The following BRINP1 variants were observed in gnomAD, a reference collection of about 807,000 sequenced individuals.
BRINP1 encodes the protein BMP/retinoic acid inducible neural specific 1, also known as BMP/retinoic acid-inducible neural-specific protein 1.
Under a neutral mutation model 72.9 loss-of-function variants are expected in BRINP1, and 17 were observed. The observed-to-expected ratio is 0.23, with a 90% confidence interval of 0.16 to 0.35. The LOEUF is 0.35. Ranked by LOEUF, BRINP1 falls within the 10% of genes least tolerant of loss-of-function variation. BRINP1 has a pLI of 1.00. For synonymous variants in BRINP1, 418 were observed against 378.5 expected (o/e 1.10, Z -1.21); for missense variants, 850 against 1,001.6 (o/e 0.85, Z 2.04).
intron 3 of BRINP1, among the ~76,000 whole-genome samples, chr9:119,242,646 C>T (rs565374291): frequency 6.6e-6 from 1 of 152,226 alleles, no homozygotes; most frequent in Non-Finnish European, 1.5e-5. Flanking sequence ...ATCTCCCCTT[C>T]ATTTCTTTCT....
chr9:119,277,689 A>G (rs916255714), intron 2 of BRINP1, among the ~76,000 whole-genome samples: 12 of 152,226 alleles, frequency 7.9e-5, no homozygotes, highest in Non-Finnish European at 1.6e-4. Context: ...GTGCCTGGTT[A>G]TCAGAGTTAG....
chr9:119,295,852 T>C (rs1182162700), intron 2 of BRINP1, among the ~76,000 whole-genome samples: 4 of 152,130 alleles, frequency 2.6e-5, no homozygotes, highest in Non-Finnish European at 5.9e-5. Flanking sequence ...AAGGAGGAAA[T>C]TGCACCTTTA....
At chr9:119,320,986 A>G (rs908549754) in intron 1 of BRINP1, among the ~76,000 whole-genome samples, 4 of 151,382 alleles carry the variant, frequency 2.6e-5, no homozygotes, top group African/African-American at 9.7e-5. Flanking sequence ...GCTGGAGTGC[A>G]GTGGCGCTAT....
chr9:119,324,770 G>A (rs2119006647), intron 1 of BRINP1, among the ~76,000 whole-genome samples: 1 of 152,216 alleles, frequency 6.6e-6, no homozygotes, highest in East Asian at 1.9e-4. Flanking sequence ...AATTTCTACT[G>A]ATTGCTACAT....
At position 119,208,828 on chromosome 9, in the gene BRINP1, G is replaced by A; in HGVS notation, c.1036C>T (p.Gln346Ter). The part of the protein sequence containing the change: ...WDLQNRYKLL[Q>*]SATEAQRQKI... ...TGTCTCTGTGCCTCCGTGGCACTCT[G>A]CAGGAGCTTGTAGCGGTTCTGCAGG... The change falls in exon 7 of 8, where the codon CAG (glutamine) becomes TAG (stop). Residue 346 changes from glutamine (Q) to a stop codon, truncating the protein, a stop_gained. Coordinates refer to ENST00000265922, the MANE Select transcript of BRINP1 (RefSeq NM_014618.3). LOFTEE classifies it high-confidence loss of function. 6.2e-7 allele frequency: 1 copy of A among 1,614,192 alleles called. No homozygotes were observed. Among genetic ancestry groups the A allele is most frequent in the Non-Finnish European group, 8.5e-7 (1 of 1,180,036 alleles).
At chr9:119,220,122 C>T (rs1047330584) in intron 5 of BRINP1, among the ~76,000 whole-genome samples, 1 of 152,094 alleles carries the variant, frequency 6.6e-6, no homozygotes, top group Non-Finnish European at 1.5e-5. Context: ...CTGTGAGCTC[C>T]TTAGAGGAAA....
At chr9:119,361,363 G>A (rs1274521385) in intron 1 of BRINP1, among the ~76,000 whole-genome samples, 1 of 152,134 alleles carries the variant, frequency 6.6e-6, no homozygotes, top group Non-Finnish European at 1.5e-5. Flanking sequence ...CTGGGCTGCT[G>A]TGTTCCATGA....
chr9:119,328,009 C>A (rs923339625), intron 1 of BRINP1, among the ~76,000 whole-genome samples: 5 of 151,984 alleles, frequency 3.3e-5, no homozygotes, highest in African/African-American at 1.2e-4. Flanking sequence ...TGAGACCACT[C>A]AGTAAACTCA....
In BRINP1 at chr9:119,344,948, T is replaced by A. The variant is rs1417806719; in HGVS notation, c.-51+24108A>T. 2.0e-5 allele frequency among the ~76,000 whole-genome samples: 3 copies of A among 152,212 alleles called. No individual in the cohort carries two copies. The East Asian group carries it at 5.8e-4, about 29-fold the overall frequency. ...CTCTCCCATAACTTTAATGCTCCAG[T>A]ACTTATTTCTTCTCTGCACGAAGAC... On this transcript the variant is annotated intron_variant, in intron 1 of 7. Transcript: ENST00000265922.
At chr9:119,176,806 T>A (rs1249176084) in intron 7 of BRINP1, among the ~76,000 whole-genome samples, 1 of 152,198 alleles carries the variant, frequency 6.6e-6, no homozygotes, top group Non-Finnish European at 1.5e-5. Context: ...TTTTGTTATA[T>A]CCATTTGAAA....
intron 1 of BRINP1, among the ~76,000 whole-genome samples, chr9:119,363,788 A>G (rs935259844): frequency 6.6e-6 from 1 of 152,218 alleles, no homozygotes; most frequent in Non-Finnish European, 1.5e-5. Context: ...AAAAATTAAT[A>G]TAAGTTAAAT....
chr9:119,210,856 A>G (rs943543353), intron 6 of BRINP1, among the ~76,000 whole-genome samples: 1 of 152,194 alleles, frequency 6.6e-6, no homozygotes, highest in African/African-American at 2.4e-5. Flanking sequence ...TGAGAATGAC[A>G]TAGTGGCATA....
intron 1 of BRINP1, among the ~76,000 whole-genome samples, chr9:119,317,056 A>G (rs1831132229): frequency 6.7e-6 from 1 of 149,970 alleles, no homozygotes; most frequent in Non-Finnish European, 1.5e-5. Flanking sequence ...GCACCACTGC[A>G]CTCCAGCCTG....
At chr9:119,267,538 A>T (rs959762635) in intron 2 of BRINP1, among the ~76,000 whole-genome samples, 1 of 152,060 alleles carries the variant, frequency 6.6e-6, no homozygotes, top group Non-Finnish European at 1.5e-5. Flanking sequence ...TGGAAGGCTG[A>T]GGCAGGAGAA....
intron 1 of BRINP1, among the ~76,000 whole-genome samples, chr9:119,318,165 G>A (rs1025797743): frequency 1.3e-5 from 2 of 152,132 alleles, no homozygotes; most frequent in African/African-American, 2.4e-5. Context: ...CATGACTGTG[G>A]ACAGTCATGT....
At chr9:119,206,794 G>A (rs1001916593) in intron 7 of BRINP1, among the ~76,000 whole-genome samples, 3 of 152,148 alleles carry the variant, frequency 2.0e-5, no homozygotes, top group African/African-American at 7.2e-5. Flanking sequence ...CAGGTCTCAT[G>A]GCAGATGTGT....
At chr9:119,305,312 C>T (rs1042448507) in intron 2 of BRINP1, among the ~76,000 whole-genome samples, 1 of 151,924 alleles carries the variant, frequency 6.6e-6, no homozygotes, top group Non-Finnish European at 1.5e-5. Flanking sequence ...CAAAAATGTA[C>T]AAAAACAACA....
chr9:119,318,395 G>A (rs753160314), intron 1 of BRINP1, among the ~76,000 whole-genome samples: 3 of 152,140 alleles, frequency 2.0e-5, no homozygotes, highest in Non-Finnish European at 4.4e-5. Context: ...TCTCTCTGTT[G>A]CCCATTGCAC....
intron 2 of BRINP1, among the ~76,000 whole-genome samples, chr9:119,249,491 T>C (rs1588177254): frequency 6.6e-6 from 1 of 152,178 alleles, no homozygotes; most frequent in Non-Finnish European, 1.5e-5. Context: ...AATAATCTGA[T>C]GATAATATGG....
Sources: gnomAD v4.1 joint callset for allele counts (sites outside exome capture counted in the v4.1 genomes callset) on GRCh38, gnomAD v4.1.1 for gene constraint, MANE v1.5 for transcripts, NCBI Gene and HGNC (gene_info 2026-07-23, HGNC 2026-07-21) for gene names.